The following FSTL4 variants were observed in gnomAD, a reference collection of about 807,000 sequenced individuals.
FSTL4 encodes follistatin-related protein 4.
Under a neutral mutation model 78.2 loss-of-function variants are expected in FSTL4, and 28 were observed. That is an observed-to-expected ratio of 0.36 (90% CI 0.27 to 0.49). FSTL4 has a LOEUF of 0.49. Among genes scored for constraint, FSTL4 ranks in the 20% least tolerant of loss-of-function variants. The pLI is 0.98. For missense variants in FSTL4, 922 were observed against 1,084.9 expected (o/e 0.85, Z 2.11); for synonymous variants, 422 against 440.5 (o/e 0.96, Z 0.53).
chr5:133,351,941 A>C (rs986514914), intron 4 of FSTL4, among the ~76,000 whole-genome samples: 1 of 149,482 alleles, frequency 6.7e-6, no homozygotes, highest in Non-Finnish European at 1.5e-5. Context: ...ATAGCAATTA[A>C]ATTTTTCCTA....
intron 6 of FSTL4, among the ~76,000 whole-genome samples, chr5:133,259,839 T>A (rs1752475958): frequency 6.6e-6 from 1 of 152,054 alleles, no homozygotes; most frequent in Non-Finnish European, 1.5e-5. Context: ...ATGACTCCCG[T>A]GTTCCTGACT....
intron 14 of FSTL4, among the ~76,000 whole-genome samples, chr5:133,208,860 G>A (rs989256104): frequency 3.9e-5 from 6 of 152,058 alleles, no homozygotes; most frequent in African/African-American, 1.2e-4. Context: ...TAGTAGAGAC[G>A]GGGTTTCACT....
chr5:133,452,016 C>T (rs1757394509), intron 3 of FSTL4, among the ~76,000 whole-genome samples: 1 of 152,168 alleles, frequency 6.6e-6, no homozygotes, highest in African/African-American at 2.4e-5. Context: ...AAGTATGGTC[C>T]CTCTTCCCCC....
chr5:133,746,763 T>A, the FSTL4 span, among the ~76,000 whole-genome samples: 1 of 152,140 alleles, frequency 6.6e-6, no homozygotes, highest in Non-Finnish European at 1.5e-5. Flanking sequence ...TGGAAAGACA[T>A]TTAGGTCTAT....
intron 4 of FSTL4, among the ~76,000 whole-genome samples, chr5:133,387,137 C>T (rs903302861): frequency 5.3e-5 from 8 of 152,148 alleles, no homozygotes; most frequent in Admixed American, 4.6e-4. Context: ...CTGCCCTGTA[C>T]CTGGTTGTTC....
At chr5:133,293,736 T>C (rs1435893491) in intron 6 of FSTL4, among the ~76,000 whole-genome samples, 2 of 152,146 alleles carry the variant, frequency 1.3e-5, no homozygotes. Flanking sequence ...ATCCTGAAGG[T>C]GTCCGAGTCC....
chr5:133,798,221 G>A, the FSTL4 span, among the ~76,000 whole-genome samples: 1 of 152,188 alleles, frequency 6.6e-6, no homozygotes. Context: ...CCAAAAATAA[G>A]TAAAAATAAA....
intron 11 of FSTL4, among the ~76,000 whole-genome samples, chr5:133,221,913 T>TTTTTTTTTTTTTTTTTTTTTG (rs1751140299): frequency 5.1e-5 from 5 of 97,806 alleles, no homozygotes; most frequent in Admixed American, 3.4e-4. Context: ...TTTTTTTTTT[T>TTTTTTTTTTTTTTTTTTTTTG]TTTTTTTTTT....
At chr5:133,707,648 G>A in the FSTL4 span, among the ~76,000 whole-genome samples, 1 of 152,154 alleles carries the variant, frequency 6.6e-6, no homozygotes, top group Admixed American at 6.5e-5. Context: ...GAAGTGAATT[G>A]GCTTTGGGAT....
At chr5:133,241,633 G>A (rs1388896651) in intron 7 of FSTL4, among the ~76,000 whole-genome samples, 1 of 152,208 alleles carries the variant, frequency 6.6e-6, no homozygotes, top group Non-Finnish European at 1.5e-5. Context: ...GCCCTTGAAT[G>A]GGGCTTTGGC....
chr5:133,355,212 T>C lies in FSTL4; in HGVS notation c.410-38560A>G, dbSNP rs1224431067. ...CTGAGGAAGGCAGTGCTCTAGACAC[T>C]TGAGTGCTCTCCTCAGCTATTCCCA... is the stretch of plus-strand genomic sequence containing the variant. On this transcript the variant is annotated intron_variant, in intron 4 of 15. Transcript: ENST00000265342. 2.0e-5 allele frequency among the ~76,000 whole-genome samples: 3 copies of C among 152,244 alleles called. No homozygotes were observed. In the East Asian group the frequency reaches 5.8e-4, roughly 29 times the overall value.
the FSTL4 span, among the ~76,000 whole-genome samples, chr5:133,678,438 AG>A: frequency 1.3e-5 from 2 of 152,182 alleles, no homozygotes; most frequent in African/African-American, 4.8e-5. Context: ...TTGGAGGTGG[AG>A]TATAATAAAA....
At chr5:133,442,442 C>A (rs1757180621) in intron 3 of FSTL4, among the ~76,000 whole-genome samples, 1 of 152,018 alleles carries the variant, frequency 6.6e-6, no homozygotes. Context: ...TTTATTGAGC[C>A]TTCTCTTCTG....
intron 6 of FSTL4, among the ~76,000 whole-genome samples, chr5:133,266,330 G>A (rs1223010143): frequency 2.6e-5 from 4 of 152,264 alleles, no homozygotes; most frequent in Admixed American, 2.0e-4. Context: ...TGGGCAGAAC[G>A]GCTTTGTGCT....
chr5:133,328,882 G>C (rs1475413703), intron 4 of FSTL4, among the ~76,000 whole-genome samples: 1 of 152,184 alleles, frequency 6.6e-6, no homozygotes, highest in Non-Finnish European at 1.5e-5. Context: ...ATCTAACTAA[G>C]GGGAAAAGGC....
At chr5:133,623,192 G>C in the FSTL4 span, among the ~76,000 whole-genome samples, 1 of 151,818 alleles carries the variant, frequency 6.6e-6, no homozygotes, top group Non-Finnish European at 1.5e-5. Context: ...AATTGCAAGT[G>C]TCCCTGAATA....
intron 3 of FSTL4, among the ~76,000 whole-genome samples, chr5:133,435,824 G>C (rs1343152812): frequency 1.3e-5 from 2 of 152,124 alleles, no homozygotes; most frequent in African/African-American, 4.8e-5. Flanking sequence ...ACCATAAAAT[G>C]GCATCCCTTT....
rs1016282911 is a variant in FSTL4, at chr5:133,583,388, C to T, written c.127-16169G>A. 9 of 346,420 alleles carry T rather than the reference C, an allele frequency of 2.6e-5. 2 individuals are homozygous for T. The highest frequency in any genetic ancestry group is 6.9e-5 in the African/African-American group (3 of 43,764). 21.5% of individuals were successfully genotyped at this position (346,420 alleles called of 1,614,324 possible). On this transcript the variant is annotated intron_variant, in intron 2 of 15. Transcript: ENST00000265342. ...ATTTCTGCATTTCCATCTGAGGTAC[C>T]GGGTTCATCTCACTAGGGAGTGCCA...
intron 8 of FSTL4, among the ~76,000 whole-genome samples, chr5:133,226,520 A>G (rs1410041550): frequency 6.6e-6 from 1 of 152,232 alleles, no homozygotes; most frequent in Non-Finnish European, 1.5e-5. Context: ...GCCTGGAAGA[A>G]GCAATGAGGG....
Sources: allele counts gnomAD v4.1 joint callset (sites outside exome capture counted in the v4.1 genomes callset), GRCh38; gene constraint gnomAD v4.1.1; transcripts MANE v1.5; gene names NCBI Gene and HGNC (gene_info 2026-07-23, HGNC 2026-07-21).